Variants in FAM169A observed in about 807,000 individuals in gnomAD.
FAM169A encodes family with sequence similarity 169 member A, also known as soluble lamin-associated protein of 75 kDa.
A neutral mutation model predicts 75.7 loss-of-function variants in FAM169A; 24 were observed. That is an observed-to-expected ratio of 0.32 (90% confidence interval 0.23 to 0.45). The LOEUF (loss-of-function observed/expected upper bound fraction) is 0.45. Among genes scored for constraint, FAM169A ranks in the 20% least tolerant of loss-of-function variants. The probability of loss-of-function intolerance (pLI) is 1.00; values close to 1 mark genes in which losing one functional copy is unlikely to be tolerated. For synonymous variants in FAM169A, 271 were observed against 271.0 expected (o/e 1.00, Z 0.00); for missense variants, 673 against 784.0 (o/e 0.86, Z 1.69).
intron 1 of FAM169A, among the ~76,000 whole-genome samples, chr5:74,860,708 G>A (rs1749986648): frequency 6.6e-6 from 1 of 151,744 alleles, no homozygotes; most frequent in African/African-American, 2.4e-5. Flanking sequence ...AATAGCCAAG[G>A]CTTATAGTTA....
At chr5:74,821,519 A>T (rs1747764656) in intron 5 of FAM169A, among the ~76,000 whole-genome samples, 1 of 152,208 alleles carries the variant, frequency 6.6e-6, no homozygotes, top group Non-Finnish European at 1.5e-5. Flanking sequence ...TCAGATTATC[A>T]GATTCAGATT....
intron 11 of FAM169A, among the ~76,000 whole-genome samples, chr5:74,786,726 C>T (rs1745713724): frequency 6.6e-6 from 1 of 152,172 alleles, no homozygotes; most frequent in African/African-American, 2.4e-5. Context: ...AGTCTTATCT[C>T]CTGTAGACAA....
At position 74,805,030 on chromosome 5, in the gene FAM169A, C is replaced by T. The variant is rs1580102468; in HGVS notation, c.799+126G>A. The T allele has an allele frequency of 4.0e-6, 3 of 741,418 alleles. No individual in the cohort carries two copies. In the South Asian group the frequency reaches 5.3e-5, roughly 13 times the overall value. 45.9% of individuals were successfully genotyped at this position (741,418 alleles called of 1,614,324 possible). ...AGAACAATCACATTATAATACACTA[C>T]CACTCTGGACTCTAAGACACAACCA... On this transcript the variant is annotated intron_variant, in intron 7 of 12. Transcript: ENST00000687041.
At chr5:74,837,407 C>A (rs1411376810) in intron 4 of FAM169A, among the ~76,000 whole-genome samples, 1 of 152,096 alleles carries the variant, frequency 6.6e-6, no homozygotes, top group African/African-American at 2.4e-5. Context: ...AGCAGATGGG[C>A]CTACCACTTT....
intron 1 of FAM169A, among the ~76,000 whole-genome samples, chr5:74,844,772 G>A (rs1366752486): frequency 2.6e-5 from 4 of 152,028 alleles, no homozygotes; most frequent in African/African-American, 7.2e-5. Context: ...AGCCAAGATC[G>A]CACCACTGCA....
At chr5:74,818,801 CTCTATATATA>C (rs1375367520) in intron 5 of FAM169A, among the ~76,000 whole-genome samples, 1 of 123,114 alleles carries the variant, frequency 8.1e-6, no homozygotes, top group African/African-American at 3.5e-5. Flanking sequence ...CTCTCTCTCT[CTCTATATATA>C]TATATATATA....
At position 74,781,948 on chromosome 5, in the gene FAM169A, G is replaced by A. The variant is rs1745433482; in HGVS notation, c.1525C>T (p.His509Tyr). 1.2e-6 allele frequency: 2 copies of A among 1,613,818 alleles called. No homozygotes were observed. The highest frequency in any genetic ancestry group is 2.2e-5 in the South Asian group (2 of 91,076). The change falls in exon 13 of 13, where the codon CAC becomes TAC. Residue 509 changes from histidine (H) to tyrosine (Y), a missense_variant. His to Tyr is a moderately conservative substitution (Grantham distance 83). Transcript: ENST00000687041. ...MDEGTSDEKGHMEEKLSLLPR... is the reference protein window; with the variant it reads ...MDEGTSDEKGYMEEKLSLLPR... ...AGTAGGGACAATTTCTCTTCCATGTGCCCCTTTTCATCAGATGTGCCTTCA... is the reference window on the plus strand; with the variant it reads ...AGTAGGGACAATTTCTCTTCCATGTACCCCTTTTCATCAGATGTGCCTTCA...
intron 11 of FAM169A, among the ~76,000 whole-genome samples, chr5:74,791,213 G>C (rs1442000160): frequency 1.3e-5 from 2 of 152,188 alleles, no homozygotes; most frequent in East Asian, 3.9e-4. Flanking sequence ...ATACTTAGCA[G>C]GGCTGCGGCA....
intron 1 of FAM169A, among the ~76,000 whole-genome samples, chr5:74,856,598 T>C (rs1749717875): frequency 6.6e-6 from 1 of 152,058 alleles, no homozygotes; most frequent in Non-Finnish European, 1.5e-5. Flanking sequence ...TACACTACAT[T>C]GCACTATAGT....
intron 6 of FAM169A, among the ~76,000 whole-genome samples, chr5:74,807,042 T>C (rs751888940): frequency 1.3e-5 from 2 of 152,220 alleles, no homozygotes; most frequent in Admixed American, 6.5e-5. Context: ...AACAGTAAAG[T>C]TGAAAAGGCT....
intron 5 of FAM169A, among the ~76,000 whole-genome samples, chr5:74,820,323 T>C (rs1747710129): frequency 6.6e-6 from 1 of 152,106 alleles, no homozygotes; most frequent in African/African-American, 2.4e-5. Context: ...ATGGGTGAAT[T>C]GTATGGTATA....
chr5:74,845,662 T>C (rs1281558786), intron 1 of FAM169A, among the ~76,000 whole-genome samples: 1 of 152,204 alleles, frequency 6.6e-6, no homozygotes, highest in Non-Finnish European at 1.5e-5. Context: ...TTTCAACTGT[T>C]AGTAAATGTA....
At chr5:74,813,260 TACTAAAAACCACTGAATTGTAC>T (rs1199780291) in intron 6 of FAM169A, among the ~76,000 whole-genome samples, 2 of 152,156 alleles carry the variant, frequency 1.3e-5, no homozygotes, top group Non-Finnish European at 2.9e-5. Flanking sequence ...ACTATGAATA[TACTAAAAACCACTGAATTGTAC>T]ACTTTTAACA....
intron 5 of FAM169A, among the ~76,000 whole-genome samples, chr5:74,827,528 C>A (rs910012665): frequency 1.3e-5 from 2 of 151,644 alleles, no homozygotes; most frequent in African/African-American, 2.4e-5. Flanking sequence ...AGTATTGATC[C>A]AAAAGAAATT....
chr5:74,790,812 CCT>C (rs1445507728), intron 11 of FAM169A, among the ~76,000 whole-genome samples: 1 of 152,164 alleles, frequency 6.6e-6, no homozygotes, highest in Non-Finnish European at 1.5e-5. Flanking sequence ...AACACTAAGC[CCT>C]TAATATGACA....
chr5:74,858,019 A>G (rs962282788), intron 1 of FAM169A, among the ~76,000 whole-genome samples: 6 of 152,126 alleles, frequency 3.9e-5, no homozygotes, highest in Non-Finnish European at 7.3e-5. Context: ...GTATTTTTAG[A>G]TATGTATTAT....
intron 1 of FAM169A, among the ~76,000 whole-genome samples, chr5:74,845,496 T>C (rs1749107621): frequency 6.6e-6 from 1 of 152,136 alleles, no homozygotes; most frequent in Non-Finnish European, 1.5e-5. Context: ...CCAGCCTGGG[T>C]GACAGAGCGA....
At chr5:74,832,590 TATGAA>T (rs1748371356) in intron 5 of FAM169A, among the ~76,000 whole-genome samples, 2 of 150,026 alleles carry the variant, frequency 1.3e-5, no homozygotes, top group South Asian at 4.2e-4. Flanking sequence ...TCAGTATATA[TATGAA>T]ATATGTTTAT....
At chr5:74,785,057 C>T (rs1033964702) in intron 11 of FAM169A, among the ~76,000 whole-genome samples, 2 of 152,092 alleles carry the variant, frequency 1.3e-5, no homozygotes, top group Admixed American at 6.5e-5. Flanking sequence ...CACCGTGGCT[C>T]ACGCCTATAA....
Sources: allele counts gnomAD v4.1 joint callset (sites outside exome capture counted in the v4.1 genomes callset), GRCh38; gene constraint gnomAD v4.1.1; transcripts MANE v1.5; gene names NCBI Gene and HGNC (gene_info 2026-07-23, HGNC 2026-07-21).